CNTNAP2: variants seen among roughly 807,000 people sequenced by gnomAD.
The protein encoded by CNTNAP2 is contactin associated protein 2.
CNTNAP2 carries 98 observed loss-of-function variants against 155.2 expected under a neutral mutation model. The observed-to-expected ratio is 0.63, with a 90% CI of 0.54 to 0.75. The LOEUF (loss-of-function observed/expected upper bound fraction) is 0.75, where lower values mean the gene tolerates loss of function less well. CNTNAP2 is among the 30% of genes least tolerant of loss of function. The pLI, the probability that CNTNAP2 is intolerant of heterozygous loss-of-function variation, is 0.00. For missense variants in CNTNAP2, 1,727 were observed against 1,688.1 expected (o/e 1.02, Z -0.40); for synonymous variants, 651 against 631.2 (o/e 1.03, Z -0.47).
chr7:148,024,743 C>T (rs1271847351), intron 15 of CNTNAP2, among the ~76,000 whole-genome samples: 2 of 152,120 alleles, frequency 1.3e-5, no homozygotes, highest in East Asian at 1.9e-4. Flanking sequence ...AAATTGCATA[C>T]GGGATGTTAT....
chr7:147,905,648 C>T (rs1356760717), intron 14 of CNTNAP2, among the ~76,000 whole-genome samples: 1 of 152,122 alleles, frequency 6.6e-6, no homozygotes, highest in Non-Finnish European at 1.5e-5. Flanking sequence ...TTTGGGAGGC[C>T]GAGGCCAGCA....
At chr7:148,058,920 G>A (rs1803075836) in intron 15 of CNTNAP2, among the ~76,000 whole-genome samples, 1 of 152,068 alleles carries the variant, frequency 6.6e-6, no homozygotes, top group South Asian at 2.1e-4. Context: ...GGGTGTCTGG[G>A]CCACTAATAA....
chr7:146,492,811 A>G (rs1252716358), intron 1 of CNTNAP2, among the ~76,000 whole-genome samples: 1 of 152,134 alleles, frequency 6.6e-6, no homozygotes, highest in Non-Finnish European at 1.5e-5. Flanking sequence ...CATCTTAAAC[A>G]TTTTTTCCTT....
At chr7:147,124,525 A>T (rs1025862798) in intron 6 of CNTNAP2, among the ~76,000 whole-genome samples, 2 of 152,186 alleles carry the variant, frequency 1.3e-5, no homozygotes, top group Admixed American at 6.5e-5. Context: ...GGGAGTTGCA[A>T]AGAGGTGCCT....
At chr7:147,586,605 G>A (rs964066944) in intron 12 of CNTNAP2, among the ~76,000 whole-genome samples, 1 of 150,142 alleles carries the variant, frequency 6.7e-6, no homozygotes, top group Non-Finnish European at 1.5e-5. Flanking sequence ...GAGAAAAGGA[G>A]GGAATGGGAG....
intron 1 of CNTNAP2, among the ~76,000 whole-genome samples, chr7:146,694,236 T>C (rs1007985688): frequency 2.0e-5 from 3 of 152,172 alleles, no homozygotes; most frequent in Admixed American, 1.3e-4. Context: ...AAGGGCTAAA[T>C]AGAAAATAAT....
Position 148,228,110 on chromosome 7 carries a change from A to C in CNTNAP2, c.3248-1536A>C, listed in dbSNP as rs75004271. On this transcript the variant is annotated intron_variant, in intron 19 of 23. Transcript: ENST00000361727. ...TTTGTTCCCCTAAAAAGGAAATGAAAGGTGACAAATAATCCATTAGGTGAT... is the reference window on the plus strand; with the variant it reads ...TTTGTTCCCCTAAAAAGGAAATGAACGGTGACAAATAATCCATTAGGTGAT... Among the ~76,000 whole-genome samples the C allele has an allele frequency of 7.7e-3, 1,177 of 152,278 alleles. 17 individuals are homozygous for C. Among genetic ancestry groups the C allele is most frequent in the African/African-American group, 0.027 (1,116 of 41,530 alleles).
intron 3 of CNTNAP2, among the ~76,000 whole-genome samples, chr7:146,869,683 T>G (rs1252844538): frequency 6.6e-6 from 1 of 151,878 alleles, no homozygotes; most frequent in African/African-American, 2.4e-5. Context: ...AGTCCAAGAG[T>G]CCCAAAACCA....
intron 1 of CNTNAP2, among the ~76,000 whole-genome samples, chr7:146,287,643 C>T (rs967032703): frequency 2.6e-5 from 4 of 152,092 alleles, no homozygotes; most frequent in Non-Finnish European, 5.9e-5. Context: ...TCCAACTAAG[C>T]AAAATATGCT....
chr7:146,701,936 G>A (rs1482820249), intron 1 of CNTNAP2, among the ~76,000 whole-genome samples: 4 of 152,260 alleles, frequency 2.6e-5, no homozygotes, highest in South Asian at 4.1e-4. Flanking sequence ...GTTGAATTTT[G>A]TGTCAAAACA....
Position 146,597,332 on chromosome 7 carries a change from C to T in CNTNAP2, c.98-176939C>T, listed in dbSNP as rs115624385. On this transcript the variant is annotated intron_variant, in intron 1 of 23. Coordinates refer to ENST00000361727, the MANE Select transcript of CNTNAP2 (RefSeq NM_014141.6). The stretch of plus-strand genomic sequence containing the variant: ...TCCGTGAGCATGTCACCTCTGGTCA[C>T]GTATCCACAGAGAATAATCTCATTG... Among the ~76,000 whole-genome samples, 599 of 151,946 alleles carry T rather than the reference C, an allele frequency of 3.9e-3. 3 individuals are homozygous for T. Among genetic ancestry groups the T allele is most frequent in the African/African-American group, 0.014 (563 of 41,462 alleles).
chr7:147,641,241 AACGATAGT>A (rs1795273550), intron 13 of CNTNAP2, among the ~76,000 whole-genome samples: 1 of 152,238 alleles, frequency 6.6e-6, no homozygotes, highest in Non-Finnish European at 1.5e-5. Flanking sequence ...TAACTTCTAT[AACGATAGT>A]ACACAATATT....
chr7:147,612,426 G>A (rs1271825041), intron 12 of CNTNAP2, among the ~76,000 whole-genome samples: 21 of 143,286 alleles, frequency 1.5e-4, no homozygotes, highest in Non-Finnish European at 2.9e-4. Context: ...TTTCTGAGAC[G>A]GAGTCTTTCT....
chr7:148,402,765 A>ATTAC (rs1563074777), intron 22 of CNTNAP2, among the ~76,000 whole-genome samples: 1 of 152,072 alleles, frequency 6.6e-6, no homozygotes, highest in African/African-American at 2.4e-5. Context: ...GTCTCAAATT[A>ATTAC]TTACTTTAGA....
intron 15 of CNTNAP2, among the ~76,000 whole-genome samples, chr7:148,058,753 C>G (rs1028956462): frequency 6.6e-6 from 1 of 152,052 alleles, no homozygotes; most frequent in African/African-American, 2.4e-5. Flanking sequence ...ATGACCTCAC[C>G]CAAATTTTAA....
intron 2 of CNTNAP2, among the ~76,000 whole-genome samples, chr7:146,793,540 T>G (rs2129189598): frequency 6.6e-6 from 1 of 152,298 alleles, no homozygotes; most frequent in East Asian, 1.9e-4. Context: ...TTATAATAAC[T>G]GAGGAGGCTA....
intron 15 of CNTNAP2, among the ~76,000 whole-genome samples, chr7:148,096,704 G>T (rs532044813): frequency 1.4e-4 from 21 of 152,186 alleles, no homozygotes; most frequent in South Asian, 4.2e-4. Context: ...AGACTGTCCA[G>T]TGAGTAATTT....
chr7:147,087,626 A>G (rs1407445385), intron 4 of CNTNAP2, among the ~76,000 whole-genome samples: 1 of 152,160 alleles, frequency 6.6e-6, no homozygotes, highest in Non-Finnish European at 1.5e-5. Flanking sequence ...TGGCAAAATC[A>G]TTTCCACCCA....
intron 8 of CNTNAP2, among the ~76,000 whole-genome samples, chr7:147,200,840 A>G (rs1584789205): frequency 6.6e-6 from 1 of 152,218 alleles, no homozygotes; most frequent in East Asian, 1.9e-4. Context: ...ATTTGTATGG[A>G]GAAGAGAAAG....
Sources: allele counts gnomAD v4.1 joint callset (sites outside exome capture counted in the v4.1 genomes callset), GRCh38; gene constraint gnomAD v4.1.1; transcripts MANE v1.5; gene names NCBI Gene and HGNC (gene_info 2026-07-23, HGNC 2026-07-21).